CCDC7: variants seen among roughly 807,000 people sequenced by gnomAD.
CCDC7 encodes the protein coiled-coil domain containing 7.
A neutral mutation model predicts 196.9 loss-of-function variants in CCDC7; 183 were observed. The observed-to-expected ratio is 0.93, with a 90% CI of 0.82 to 1.05. CCDC7 has a LOEUF of 1.05. CCDC7 is among the 50% of genes least tolerant of loss of function. CCDC7 has a pLI of 0.00. For missense variants in CCDC7, 1,540 were observed against 1,482.2 expected (o/e 1.04, Z -0.64); for synonymous variants, 525 against 484.6 (o/e 1.08, Z -1.10).
intron 21 of CCDC7, 106 bp from the exon 23 acceptor site, chr10:32,685,864 A>G: frequency 1.6e-6 from 1 of 633,312 alleles, no homozygotes; most frequent in Non-Finnish European, 2.7e-6. Flanking sequence ...ACTTTGTAGA[A>G]GTGACTGAGA....
chr10:32,645,138 C>T (rs1283546337), intron 20 of CCDC7, among the ~76,000 whole-genome samples: 2 of 152,076 alleles, frequency 1.3e-5, no homozygotes, highest in Non-Finnish European at 2.9e-5. Context: ...CAAATGAAAA[C>T]CATAGTGAGA....
rs570702467 is a variant in CCDC7, at chr10:32,832,614, G to T, written c.3269-2201G>T. On this transcript the variant is annotated intron_variant, in intron 32 of 41. Coordinates refer to ENST00000639629, the Ensembl canonical transcript of CCDC7. ...TTTAAAAGTGAAACTCAAACAAAAA[G>T]AATCTGAAATAAATAAAAATTTACA... Among the ~76,000 whole-genome samples, 25 of 151,974 alleles carry T rather than the reference G, an allele frequency of 1.6e-4. No homozygotes were observed. In the South Asian group the frequency reaches 4.8e-3, roughly 29 times the overall value.
At chr10:32,761,917 A>G (rs113317082) in intron 28 of CCDC7, among the ~76,000 whole-genome samples, 1 of 151,864 alleles carries the variant, frequency 6.6e-6, no homozygotes, top group African/African-American at 2.4e-5. Context: ...GAGGTTCCTT[A>G]CTTTTCTCTC....
chr10:32,695,092 G>T, intron 24 of CCDC7, 100 bp downstream of exon 25: 1 of 512,672 alleles, frequency 2.0e-6, no homozygotes, highest in East Asian at 3.4e-5. Flanking sequence ...TATAGTTTAT[G>T]GAAATTTTAT....
intron 8 of CCDC7, among the ~76,000 whole-genome samples, chr10:32,483,377 T>C (rs990888103): frequency 6.6e-6 from 1 of 152,212 alleles, no homozygotes; most frequent in Admixed American, 6.5e-5. Context: ...TTGAGTTCAT[T>C]GTAGATTCTG....
chr10:32,582,820 A>T (rs1303001875), intron 16 of CCDC7, among the ~76,000 whole-genome samples: 5 of 152,104 alleles, frequency 3.3e-5, no homozygotes, highest in Non-Finnish European at 7.4e-5. Context: ...ATTTTAAATG[A>T]TTTCCTTAGT....
chr10:32,638,138 G>A (rs555690082), intron 20 of CCDC7, among the ~76,000 whole-genome samples: 11 of 152,260 alleles, frequency 7.2e-5, no homozygotes, highest in African/African-American at 2.4e-4. Flanking sequence ...GGGCTGAGAC[G>A]ATGGGGTTTT....
intron 13 of CCDC7, among the ~76,000 whole-genome samples, chr10:32,547,217 A>G (rs2052625578): frequency 6.6e-6 from 1 of 152,010 alleles, no homozygotes; most frequent in African/African-American, 2.4e-5. Flanking sequence ...TGTAACACCA[A>G]GCTCTTGCTA....
In CCDC7 at chr10:32,619,910, C is replaced by CTT. The variant is rs56089046; in HGVS notation, c.1802-14315_1802-14314dup. 5.9e-3 allele frequency among the ~76,000 whole-genome samples: 464 copies of CTT among 79,248 alleles called. 43 individuals are homozygous for CTT. The highest frequency in any genetic ancestry group is 0.018 in the African/African-American group (269 of 15,294). 52.0% of individuals were successfully genotyped at this position (79,248 alleles called of 152,430 possible). On this transcript the variant is annotated intron_variant, in intron 18 of 41. Coordinates refer to ENST00000639629, the Ensembl canonical transcript of CCDC7. ...CACTGCTCCCAGCCCTTCAATGTAC[C>CTT]TTTTTTTTTTTTTTTTTTTTTTTTT...
At chr10:32,816,891 A>C (rs1376211310) in intron 31 of CCDC7, among the ~76,000 whole-genome samples, 11 of 152,156 alleles carry the variant, frequency 7.2e-5, no homozygotes, top group Admixed American at 7.2e-4. Context: ...GGGGAAAAAA[A>C]AGAGCAGAAA....
At chr10:32,740,751 G>C (rs2085690055) in intron 28 of CCDC7, among the ~76,000 whole-genome samples, 1 of 152,088 alleles carries the variant, frequency 6.6e-6, no homozygotes, top group Admixed American at 6.5e-5. Context: ...TTGAGATTGA[G>C]TTTTAATAAA....
intron 25 of CCDC7, among the ~76,000 whole-genome samples, chr10:32,722,501 CA>C (rs1378556399): frequency 1.3e-5 from 2 of 152,070 alleles, no homozygotes; most frequent in African/African-American, 2.4e-5. Context: ...AAATCAATTC[CA>C]TGCCTCTGCC....
At chr10:32,848,459 A>G in intron 38 of CCDC7, 137 bp from the exon 40 acceptor site, 1 of 626,934 alleles carries the variant, frequency 1.6e-6, no homozygotes, top group Non-Finnish European at 2.7e-6. Context: ...AATTTAAGTA[A>G]TAAACAAGTG....
At chr10:32,764,936 TATCTATGGCATTGGCTAGTTG>T (rs2078032147) in intron 28 of CCDC7, among the ~76,000 whole-genome samples, 1 of 152,098 alleles carries the variant, frequency 6.6e-6, no homozygotes, top group Non-Finnish European at 1.5e-5. Flanking sequence ...TGACTTGAGA[TATCTATGGCATTGGCTAGTTG>T]ATAATTGTGT....
chr10:32,625,365 G>A lies in CCDC7; in HGVS notation c.1802-8889G>A, dbSNP rs1564865805. 2.0e-5 allele frequency among the ~76,000 whole-genome samples: 3 copies of A among 151,336 alleles called. No homozygotes were observed. In the East Asian group the frequency reaches 5.8e-4, roughly 29 times the overall value. ...TCTAACCTATTTGTTTGACCTATGT[G>A]TCTGTTTTATTATTATTATTTTTAT... is the stretch of plus-strand genomic sequence containing the variant. On this transcript the variant is annotated intron_variant, in intron 18 of 41. Transcript: ENST00000639629.
At position 32,794,424 on chromosome 10, in the gene CCDC7, T is replaced by C. The variant is rs76621540; in HGVS notation, c.3014-10591T>C. On this transcript the variant is annotated intron_variant, in intron 29 of 41. Coordinates refer to ENST00000639629, the Ensembl canonical transcript of CCDC7. Reference sequence around the variant, plus strand: ...TTTTTGGTAGAATGATTTATTTTCCTTTGTGTATATAACCAACAGTGGCAT... The same window carrying C: ...TTTTTGGTAGAATGATTTATTTTCCCTTGTGTATATAACCAACAGTGGCAT... Among the ~76,000 whole-genome samples, 1,204 of 152,324 alleles carry C rather than the reference T, an allele frequency of 7.9e-3. 7 individuals carry two copies. The highest frequency in any genetic ancestry group is 0.02 in the Middle Eastern group (6 of 294).
At chr10:32,663,749 C>T (rs987084964) in intron 20 of CCDC7, among the ~76,000 whole-genome samples, 4 of 151,852 alleles carry the variant, frequency 2.6e-5, no homozygotes, top group Non-Finnish European at 1.5e-5. Context: ...TAAACTTGCA[C>T]ATATGAATTT....
At chr10:32,483,564 C>T (rs1467957958) in intron 8 of CCDC7, among the ~76,000 whole-genome samples, 1 of 152,130 alleles carries the variant, frequency 6.6e-6, no homozygotes, top group Admixed American at 6.5e-5. Flanking sequence ...ACATGAAGTC[C>T]TTGCCCATGC....
At chr10:32,582,998 A>G in intron 16 of CCDC7, 36 bp from the exon 18 acceptor site, 1 of 1,207,774 alleles carries the variant, frequency 8.3e-7, no homozygotes. Flanking sequence ...AATGGTCTTC[A>G]CATAATCTAA....
Sources: allele counts gnomAD v4.1 joint callset (sites outside exome capture counted in the v4.1 genomes callset), GRCh38; gene constraint gnomAD v4.1.1; transcripts MANE v1.5; gene names NCBI Gene and HGNC (gene_info 2026-07-23, HGNC 2026-07-21).